HAUS2: variants seen among roughly 807,000 people sequenced by gnomAD.
HAUS2 encodes HAUS augmin-like complex subunit 2.
Under a neutral mutation model 21.6 loss-of-function variants are expected in HAUS2, and 20 were observed. The observed-to-expected ratio is 0.93, with a 90% CI of 0.65 to 1.35. HAUS2 has a LOEUF of 1.35. Among genes scored for constraint, HAUS2 ranks in the 40% most tolerant of loss-of-function variants. The pLI is 0.00. For synonymous variants in HAUS2, 113 were observed against 95.6 expected, an observed-to-expected ratio of 1.18 and a Z score of -1.06; for missense variants, 297 against 280.7, an observed-to-expected ratio of 1.06 and a Z score of -0.42.
At position 42,567,029 on chromosome 15, in the gene HAUS2, C is replaced by A; in HGVS notation, c.*213C>A. The A allele has an allele frequency of 2.5e-6, 1 of 402,634 alleles. No individual in the cohort carries two copies. The highest frequency in any genetic ancestry group is 4.5e-6 in the Non-Finnish European group (1 of 224,322). 24.9% of individuals were successfully genotyped at this position (402,634 alleles called of 1,614,324 possible). On this transcript the variant is annotated 3_prime_UTR_variant, in exon 6 of 6. Transcript: ENST00000260372. Reference sequence around the variant, plus strand: ...CTACCTTTCAGTAAAACTAGAGAAGCTAAAAAATAGCCATGACAATTTATT... The same window carrying A: ...CTACCTTTCAGTAAAACTAGAGAAGATAAAAAATAGCCATGACAATTTATT...
rs1290829896 is a variant in HAUS2, at chr15:42,568,734, C to T, written c.*1918C>T. 2.6e-5 allele frequency: 4 copies of T among 152,298 alleles called. No homozygotes were observed. The East Asian group carries it at 7.7e-4, about 29-fold the overall frequency. The allele number at this position is 152,298 out of a possible 1,614,324, so 9.4% of individuals were successfully genotyped here. On this transcript the variant is annotated 3_prime_UTR_variant, in exon 6 of 6. Transcript: ENST00000260372. ...TGGGCACTGTATCTCTAACAAGTTT[C>T]CCTGGTAAACAACATTTCTCACATG...
Position 42,561,299 on chromosome 15 carries a change from A to C in HAUS2, c.286A>C (p.Asn96His), listed in dbSNP as rs1464697492. 6.4e-7 allele frequency: 1 copy of C among 1,567,544 alleles called. No homozygotes were observed. The highest frequency in any genetic ancestry group is 8.8e-7 in the Non-Finnish European group (1 of 1,137,658). ...AQKCHTLQSM[N>H]NHLEAVLKEK... Reference sequence around the variant, plus strand: ...GAAGTGTCATACTCTGCAAAGCATGAATAATCATTTGGAAGCAGTGCTGAA... The same window carrying C: ...GAAGTGTCATACTCTGCAAAGCATGCATAATCATTTGGAAGCAGTGCTGAA... Residue 96 changes from asparagine to histidine, a missense_variant, in exon 4 of 6, where the codon AAT becomes CAT. Asn to His is a moderately conservative substitution (Grantham distance 68, BLOSUM62 1). Coordinates refer to ENST00000260372, the MANE Select transcript of HAUS2 (RefSeq NM_018097.3).
chr15:42,563,583 CT>C (rs2057872157), intron 4 of HAUS2, among the ~76,000 whole-genome samples, 165 bp from the exon 5 acceptor site: 2 of 151,966 alleles, frequency 1.3e-5, no homozygotes, highest in South Asian at 2.1e-4. Context: ...AGAGAAGGAC[CT>C]TTTTTTAATC....
intron 1 of HAUS2, among the ~76,000 whole-genome samples, chr15:42,550,577 G>GGT (rs2057714577): frequency 6.6e-6 from 1 of 152,166 alleles, no homozygotes; most frequent in Admixed American, 6.5e-5. Context: ...CCATTGTCTG[G>GGT]GTGATGGGGA....
intron 1 of HAUS2, among the ~76,000 whole-genome samples, chr15:42,556,624 C>G (rs2057779103): frequency 6.6e-6 from 1 of 152,080 alleles, no homozygotes; most frequent in East Asian, 1.9e-4. Context: ...AAAAACCATG[C>G]CTGGTTCACA....
At chr15:42,564,969 G>A (rs926843447) in intron 5 of HAUS2, among the ~76,000 whole-genome samples, 14 of 152,152 alleles carry the variant, frequency 9.2e-5, no homozygotes, top group African/African-American at 2.7e-4. Flanking sequence ...CCAAGTAGCT[G>A]GGATTACAGG....
intron 4 of HAUS2, chr15:42,561,639 G>T (rs1226683123): frequency 2.5e-6 from 1 of 401,368 alleles, no homozygotes; most frequent in Non-Finnish European, 4.5e-6. Context: ...TTTAATGAAA[G>T]AAATTAGATC....
At position 42,567,147 on chromosome 15, in the gene HAUS2, C is replaced by G. The variant is rs2057914928; in HGVS notation, c.*331C>G. ...TGGTGTGGTGGCTCACACCTGTAAT[C>G]CTAACACTTGGGGAGGCTGAGGCGG... On this transcript the variant is annotated 3_prime_UTR_variant, in exon 6 of 6. Coordinates refer to ENST00000260372, the MANE Select transcript of HAUS2 (RefSeq NM_018097.3). 4.7e-6 allele frequency: 1 copy of G among 210,626 alleles called. No individual in the cohort carries two copies. Among genetic ancestry groups the G allele is most frequent in the African/African-American group, 2.4e-5 (1 of 42,004 alleles). The allele number at this position is 210,626 out of a possible 1,614,324, so 13.0% of individuals were successfully genotyped here.
chr15:42,559,277 C>A, intron 2 of HAUS2, 62 bp from the exon 3 acceptor site: 1 of 938,856 alleles, frequency 1.1e-6, no homozygotes, highest in South Asian at 1.3e-5. Context: ...AGGAGTGAGC[C>A]ACCGCACCTG....
chr15:42,551,587 G>A (rs1453352510), intron 1 of HAUS2, among the ~76,000 whole-genome samples: 1 of 152,070 alleles, frequency 6.6e-6, no homozygotes, highest in Admixed American at 6.5e-5. Flanking sequence ...ATTGCAGTGA[G>A]CAAAGATCGT....
chr15:42,552,922 G>A (rs1273731745), intron 1 of HAUS2, among the ~76,000 whole-genome samples: 2 of 151,544 alleles, frequency 1.3e-5, no homozygotes, highest in African/African-American at 4.8e-5. Flanking sequence ...ATAGGAAAAA[G>A]AAGAAAGAGT....
At chr15:42,564,674 A>G (rs75132022) in intron 5 of HAUS2, among the ~76,000 whole-genome samples, 2,706 of 152,282 alleles carry the variant, frequency 0.018, 73 homozygotes, top group African/African-American at 0.062. Context: ...TTTTAAATAG[A>G]GACGAGTTCT....
intron 5 of HAUS2, among the ~76,000 whole-genome samples, chr15:42,564,256 T>C (rs2057882894): frequency 1.4e-5 from 2 of 143,478 alleles, no homozygotes; most frequent in South Asian, 4.4e-4. Context: ...ACAGCAAGAC[T>C]CCATCTCCCA....
At chr15:42,560,823 A>T in intron 3 of HAUS2, 2 of 702,152 alleles carry the variant, frequency 2.8e-6, no homozygotes, top group African/African-American at 1.7e-5. Context: ...TCTCGAACTC[A>T]TGGCCTCAAT....
chr15:42,563,410 C>CAAAAA (rs745358598), intron 4 of HAUS2, among the ~76,000 whole-genome samples: 87 of 57,116 alleles, frequency 1.5e-3, no homozygotes, highest in Non-Finnish European at 2.0e-3. Flanking sequence ...GACTCCATCT[C>CAAAAA]AAAAAAAAAA....
intron 1 of HAUS2, among the ~76,000 whole-genome samples, chr15:42,552,338 A>G (rs1457153890): frequency 6.6e-6 from 1 of 152,108 alleles, no homozygotes; most frequent in East Asian, 1.9e-4. Flanking sequence ...ACCTTTTCCT[A>G]TTAGAAGGAT....
chr15:42,555,032 C>T (rs997083210), intron 1 of HAUS2, among the ~76,000 whole-genome samples: 2 of 150,938 alleles, frequency 1.3e-5, no homozygotes, highest in Non-Finnish European at 2.9e-5. Context: ...TCTCTGTCAT[C>T]AGGCTGGAGT....
intron 3 of HAUS2, 88 bp downstream of exon 3, chr15:42,559,496 T>C: frequency 1.3e-6 from 1 of 757,846 alleles, no homozygotes; most frequent in South Asian, 1.5e-5. Flanking sequence ...CAAATTATGA[T>C]ACACCATCAT....
chr15:42,560,073 T>G (rs2057832252), intron 3 of HAUS2, among the ~76,000 whole-genome samples: 1 of 152,194 alleles, frequency 6.6e-6, no homozygotes, highest in Non-Finnish European at 1.5e-5. Context: ...AAGGATTGTT[T>G]GAGCCTGGGA....
Sources: allele counts gnomAD v4.1 joint callset (sites outside exome capture counted in the v4.1 genomes callset), GRCh38; gene constraint gnomAD v4.1.1; transcripts MANE v1.5; gene names NCBI Gene and HGNC (gene_info 2026-07-23, HGNC 2026-07-21).